Variants in NOL4 observed in about 807,000 individuals in gnomAD.
NOL4 encodes nucleolar protein 4.
Under a neutral mutation model 75.9 loss-of-function variants are expected in NOL4, and 17 were observed. The ratio of observed to expected loss-of-function variants is 0.22; its 90% CI spans 0.15 to 0.34. NOL4 has a LOEUF of 0.34. Among genes scored for constraint, NOL4 ranks in the 10% least tolerant of loss-of-function variants. NOL4 has a pLI of 1.00. For missense variants in NOL4, 614 were observed against 793.5 expected (o/e 0.77, Z 2.72); for synonymous variants, 292 against 289.9 (o/e 1.01, Z -0.07).
intron 5 of NOL4, among the ~76,000 whole-genome samples, chr18:34,064,735 T>C (rs972897830): frequency 1.3e-5 from 2 of 151,918 alleles, no homozygotes; most frequent in Non-Finnish European, 2.9e-5. Context: ...AAGTCAATCA[T>C]TACACAAAGT....
intron 9 of NOL4, among the ~76,000 whole-genome samples, chr18:33,910,016 A>G (rs1263748225): frequency 6.6e-6 from 1 of 152,204 alleles, no homozygotes; most frequent in Non-Finnish European, 1.5e-5. Context: ...GGCTAAGTGC[A>G]TGTGTGCGTG....
intron 9 of NOL4, among the ~76,000 whole-genome samples, chr18:33,923,693 T>C (rs1056883555): frequency 6.6e-6 from 1 of 152,200 alleles, no homozygotes; most frequent in African/African-American, 2.4e-5. Flanking sequence ...CATCTTTTTA[T>C]ACATCACTTC....
At chr18:34,199,688 T>C (rs1646573093) in intron 1 of NOL4, among the ~76,000 whole-genome samples, 1 of 151,872 alleles carries the variant, frequency 6.6e-6, no homozygotes, top group African/African-American at 2.4e-5. Flanking sequence ...TAGCTCATTG[T>C]TGGAGTTAGA....
At chr18:34,186,674 C>A (rs528480739) in intron 1 of NOL4, among the ~76,000 whole-genome samples, 1 of 152,292 alleles carries the variant, frequency 6.6e-6, no homozygotes, top group African/African-American at 2.4e-5. Context: ...ATATTTAACT[C>A]TTACCTGTAA....
intron 10 of NOL4, among the ~76,000 whole-genome samples, chr18:33,860,537 A>C (rs1194889565): frequency 2.6e-5 from 4 of 152,178 alleles, no homozygotes; most frequent in Admixed American, 6.5e-5. Context: ...TTTTGGGCTG[A>C]AACAATGGAG....
chr18:33,861,128 T>A (rs1420086950), intron 10 of NOL4, among the ~76,000 whole-genome samples: 2 of 152,212 alleles, frequency 1.3e-5, no homozygotes, highest in African/African-American at 2.4e-5. Flanking sequence ...GGCTTTGGTA[T>A]CAGGATGATG....
At chr18:34,194,208 G>T (rs1449729930) in intron 1 of NOL4, among the ~76,000 whole-genome samples, 1 of 152,028 alleles carries the variant, frequency 6.6e-6, no homozygotes, top group Non-Finnish European at 1.5e-5. Context: ...TGCTAAGAAA[G>T]TACATTTTTA....
chr18:34,024,190 A>ATATATATATATATATATATATATATATAT (rs1322401512), intron 5 of NOL4, among the ~76,000 whole-genome samples: 24 of 69,620 alleles, frequency 3.4e-4, no homozygotes, highest in African/African-American at 6.4e-4. Flanking sequence ...GGAAAAAAAA[A>ATATATATATATATATATATATATATATAT]AAAAATATAT....
intron 1 of NOL4, among the ~76,000 whole-genome samples, chr18:34,159,941 C>G (rs922409356): frequency 4.6e-5 from 7 of 152,028 alleles, no homozygotes; most frequent in Non-Finnish European, 1.0e-4. Context: ...GTCAGCTGGC[C>G]ATATCCAGTC....
At chr18:34,019,869 C>A (rs541164532) in intron 5 of NOL4, among the ~76,000 whole-genome samples, 60 of 151,676 alleles carry the variant, frequency 4.0e-4, no homozygotes, top group Admixed American at 2.8e-3. Flanking sequence ...GTGTTTGGGT[C>A]ATGAGGGTGG....
chr18:33,866,702 C>T (rs755245167), intron 10 of NOL4, among the ~76,000 whole-genome samples: 9 of 152,024 alleles, frequency 5.9e-5, no homozygotes, highest in Non-Finnish European at 1.0e-4. Flanking sequence ...ATTTGTAAAG[C>T]GAAAGACTCC....
intron 9 of NOL4, among the ~76,000 whole-genome samples, chr18:33,942,146 C>T (rs1002962513): frequency 6.6e-6 from 1 of 151,872 alleles, no homozygotes; most frequent in African/African-American, 2.4e-5. Context: ...CTTTTTTCCT[C>T]GAAGTCCATT....
chr18:34,007,129 T>C (rs1024244202), intron 6 of NOL4, among the ~76,000 whole-genome samples: 1 of 151,960 alleles, frequency 6.6e-6, no homozygotes, highest in Non-Finnish European at 1.5e-5. Flanking sequence ...CCACCCAGCC[T>C]CTTTGAGCCT....
intron 9 of NOL4, among the ~76,000 whole-genome samples, chr18:33,910,263 G>C (rs1328360304): frequency 6.6e-6 from 1 of 152,026 alleles, no homozygotes; most frequent in Non-Finnish European, 1.5e-5. Context: ...GTTTCCTGGG[G>C]GTATACCCAC....
At chr18:33,893,790 T>C (rs2065237151) in intron 9 of NOL4, among the ~76,000 whole-genome samples, 1 of 152,136 alleles carries the variant, frequency 6.6e-6, no homozygotes, top group South Asian at 2.1e-4. Context: ...TGCATTAGGA[T>C]TGAATTACAT....
chr18:34,176,271 T>C (rs1449363061), intron 1 of NOL4, among the ~76,000 whole-genome samples: 1 of 152,134 alleles, frequency 6.6e-6, no homozygotes, highest in Non-Finnish European at 1.5e-5. Context: ...TCAAGTGATA[T>C]TATTATCTGA....
At chr18:34,071,367 T>A (rs1440986617) in intron 5 of NOL4, among the ~76,000 whole-genome samples, 9 of 151,036 alleles carry the variant, frequency 6.0e-5, no homozygotes, top group African/African-American at 2.2e-4. Context: ...AAAATAGAGT[T>A]TAAAATACTC....
At chr18:34,080,866 T>TA (rs1236663402) in intron 5 of NOL4, among the ~76,000 whole-genome samples, 4 of 152,222 alleles carry the variant, frequency 2.6e-5, no homozygotes, top group African/African-American at 7.2e-5. Context: ...CATAAGATAC[T>TA]AATTTGATTG....
At chr18:34,201,685 C>G (rs2035753729) in intron 1 of NOL4, among the ~76,000 whole-genome samples, 1 of 151,770 alleles carries the variant, frequency 6.6e-6, no homozygotes, top group South Asian at 2.1e-4. Flanking sequence ...CAATACATTC[C>G]TAAGTTCCAC....
Sources: gnomAD v4.1 joint callset for allele counts (sites outside exome capture counted in the v4.1 genomes callset) on GRCh38, gnomAD v4.1.1 for gene constraint, MANE v1.5 for transcripts, NCBI Gene and HGNC (gene_info 2026-07-23, HGNC 2026-07-21) for gene names.